RPL24: variants seen among roughly 807,000 people sequenced by gnomAD.
RPL24 encodes the protein ribosomal protein L24, also known as large ribosomal subunit protein eL24.
A neutral mutation model predicts 26.4 loss-of-function variants in RPL24; 7 were observed. That is an observed-to-expected ratio of 0.27 (90% CI 0.15 to 0.50). The LOEUF (loss-of-function observed/expected upper bound fraction) is 0.50, where lower values mean the gene tolerates loss of function less well. Ranked by LOEUF, RPL24 falls within the 20% of genes least tolerant of loss-of-function variation. The pLI, the probability that RPL24 is intolerant of heterozygous loss-of-function variation, is 0.98. For synonymous variants in RPL24, 67 were observed against 65.2 expected (o/e 1.03, Z -0.13); for missense variants, 109 against 194.9 (o/e 0.56, Z 2.62).
rs757528666 is a variant in RPL24 at position 101,681,245 on chromosome 3, C to G, written c.394-30G>C. On this transcript the variant is annotated intron_variant, in intron 5 of 5. Coordinates refer to ENST00000394077, the MANE Select transcript of RPL24 (RefSeq NM_000986.4). The stretch of plus-strand genomic sequence containing the variant: ...AAAAAGATAACACAATATTACTCCA[C>G]AAAACTTTTGTTACCCTATTATTAC... 7.2e-6 allele frequency: 11 copies of G among 1,530,740 alleles called. No homozygotes were observed. In the East Asian group the frequency reaches 2.2e-4, roughly 31 times the overall value. The allele number at this position is 1,530,740 out of a possible 1,614,324, so 94.8% of individuals were successfully genotyped here.
At chr3:101,685,574 C>G (rs1191620229) in intron 3 of RPL24, among the ~76,000 whole-genome samples, 1 of 152,218 alleles carries the variant, frequency 6.6e-6, no homozygotes, top group East Asian at 1.9e-4. Context: ...GCCCTTCCAC[C>G]CTGCCCTATA....
chr3:101,681,314 C>G, intron 5 of RPL24, 99 bp from the exon 6 acceptor site: 1 of 808,242 alleles, frequency 1.2e-6, no homozygotes, highest in South Asian at 1.5e-5. Flanking sequence ...AGATCACTTT[C>G]TTAGTAATTT....
chr3:101,685,792 C>A, intron 3 of RPL24, 26 bp downstream of exon 3: 2 of 1,326,636 alleles, frequency 1.5e-6, no homozygotes, highest in South Asian at 1.2e-5. Flanking sequence ...GAGATAGCCC[C>A]CAACATCAAG....
Position 101,681,154 on chromosome 3 carries a change from C to T in RPL24, c.455G>A (p.Arg152Gln). ...GCCAGTTTAGCGTTTTCCACCAACT[C>T]GGGGAGCTGAAACTTTCACAGGCTT... ...IVKPVKVSAP[R>Q]VGGKR The change falls in exon 6 of 6, where the codon CGA becomes CAA. Residue 152 changes from arginine to glutamine, a missense_variant. By Grantham distance (43) the Arg-to-Gln change is conservative. This residue lies in a region of RPL24 where 39 missense variants were observed against 80.3 expected (regional missense o/e 0.49). Coordinates refer to ENST00000394077, the MANE Select transcript of RPL24 (RefSeq NM_000986.4). 6.2e-7 allele frequency: 1 copy of T among 1,612,824 alleles called. No individual in the cohort carries two copies. The highest frequency in any genetic ancestry group is 8.5e-7 in the Non-Finnish European group (1 of 1,178,882).
chr3:101,685,453 G>A (rs540188925), intron 3 of RPL24, among the ~76,000 whole-genome samples: 16 of 152,254 alleles, frequency 1.1e-4, no homozygotes, highest in African/African-American at 3.6e-4. Context: ...ATGAACTAGT[G>A]TATGGTGGAC....
chr3:101,686,070 G>A lies in RPL24; in HGVS notation c.82-142C>T, dbSNP rs1042478820. On this transcript the variant is annotated intron_variant, in intron 2 of 5. Coordinates refer to ENST00000394077, the MANE Select transcript of RPL24 (RefSeq NM_000986.4). ...TGAGGCCCACAAGGACCAAAAGGCTGTCACATAACTGGCAGGTAACTGTGT... is the reference window on the plus strand; with the variant it reads ...TGAGGCCCACAAGGACCAAAAGGCTATCACATAACTGGCAGGTAACTGTGT... The A allele has an allele frequency of 1.6e-5, 10 of 613,124 alleles. No homozygotes were observed. The African/African-American group carries it at 1.8e-4, about 11-fold the overall frequency. 38.0% of individuals were successfully genotyped at this position (613,124 alleles called of 1,614,324 possible).
rs1360282249 is a variant in RPL24, at chr3:101,681,250, CTT to C, written c.394-37_394-36del. 20 of 1,442,248 alleles carry C rather than the reference CTT, an allele frequency of 1.4e-5. No homozygotes were observed. The East Asian group carries it at 1.6e-4, about 11-fold the overall frequency. 89.3% of individuals were successfully genotyped at this position (1,442,248 alleles called of 1,614,324 possible). A position where few individuals can be genotyped will look rare whatever the true frequency, so the allele number is the denominator to read the frequency against. ...GATAACACAATATTACTCCACAAAACTTTTGTTACCCTATTATTACCCATCTC... is the reference window on the plus strand; with the variant it reads ...GATAACACAATATTACTCCACAAAACTTGTTACCCTATTATTACCCATCTC... On this transcript the variant is annotated intron_variant, in intron 5 of 5. Coordinates refer to ENST00000394077, the MANE Select transcript of RPL24 (RefSeq NM_000986.4).
At position 101,683,032 on chromosome 3, in the gene RPL24, T is replaced by C; in HGVS notation, c.193-125A>G. 5.8e-6 allele frequency: 5 copies of C among 863,694 alleles called. No homozygotes were observed. In the South Asian group the frequency reaches 1.0e-4, roughly 18 times the overall value. 53.5% of individuals were successfully genotyped at this position (863,694 alleles called of 1,614,324 possible). A position where few individuals can be genotyped will look rare whatever the true frequency, so the allele number is the denominator to read the frequency against. On this transcript the variant is annotated intron_variant, in intron 3 of 5. Transcript: ENST00000394077. ...AAGATTCATATTCAACAAAAAATAA[T>C]TCATATATTTGAAATAAAACATGTT...
chr3:101,684,598 G>A (rs573186950), intron 3 of RPL24, among the ~76,000 whole-genome samples: 48 of 151,948 alleles, frequency 3.2e-4, no homozygotes, highest in African/African-American at 9.9e-4. Flanking sequence ...GGGCAACATC[G>A]CAAAGATTTC....
intron 3 of RPL24, among the ~76,000 whole-genome samples, chr3:101,683,726 A>G (rs1258869530): frequency 3.5e-5 from 4 of 114,024 alleles, no homozygotes; most frequent in Admixed American, 9.3e-5. Flanking sequence ...TTTTTTTTTT[A>G]AAGACTCAGC....
rs747672502 is a variant in RPL24 at position 101,685,845 on chromosome 3, G to A, written c.165C>T (p.Tyr55=). The A allele has an allele frequency of 2.5e-6, 4 of 1,612,094 alleles. No individual in the cohort carries two copies. Among genetic ancestry groups the A allele is most frequent in the East Asian group, 4.5e-5 (2 of 44,864 alleles). ...NPRQINWTVL[Y]RRKHKKGQSE... ...ACTGTCCCTTTTTGTGCTTCCTTCT[G>A]TAGAGGACAGTCCAGTTTATCTGCC... Residue 55 remains tyrosine (Y), a synonymous_variant, in exon 3 of 6, where the codon TAC becomes TAT. Transcript: ENST00000394077.
At chr3:101,682,325 C>T (rs772088354) in intron 5 of RPL24, 104 bp downstream of exon 5, 3 of 890,826 alleles carry the variant, frequency 3.4e-6, no homozygotes, top group Non-Finnish European at 5.7e-6. Flanking sequence ...GAGATCAGAT[C>T]ACGCCACTGC....
At chr3:101,684,891 A>T (rs1454104091) in intron 3 of RPL24, among the ~76,000 whole-genome samples, 1 of 117,802 alleles carries the variant, frequency 8.5e-6, no homozygotes. Context: ...TTTTTTTTTT[A>T]AAGGTCTCCT....
At position 101,682,505 on chromosome 3, in the gene RPL24, A is replaced by G; in HGVS notation, c.330-13T>C. On this transcript the variant is annotated splice_polypyrimidine_tract_variant and intron_variant, in intron 4 of 5. Transcript: ENST00000394077. ...TTCCTTAGCAGCCCTGTGGGGTAAA[A>G]GTAACTTAAGGCAAAAGCACTTTAC... 6.2e-7 allele frequency: 1 copy of G among 1,610,258 alleles called. No individual in the cohort carries two copies. Among genetic ancestry groups the G allele is most frequent in the Non-Finnish European group, 8.5e-7 (1 of 1,177,834 alleles).
intron 2 of RPL24, 163 bp from the exon 3 acceptor site, chr3:101,686,091 T>C: frequency 3.3e-6 from 2 of 598,312 alleles, no homozygotes; most frequent in Non-Finnish European, 3.0e-6. Context: ...GGCAGGTAAC[T>C]GTGTCACACT....
chr3:101,685,916 G>C lies in RPL24; in HGVS notation c.94C>G (p.Leu32Val). Residue 32 changes from leucine to valine, a missense_variant, in exon 3 of 6, where the codon CTT becomes GTT. Physicochemically the swap from Leu to Val is conservative, Grantham distance 32. This residue lies in a region of RPL24 where 69 missense variants were observed against 96.2 expected (regional missense o/e 0.72). Coordinates refer to ENST00000394077, the MANE Select transcript of RPL24 (RefSeq NM_000986.4). ...ARTDGKVFQF[L>V]NAKCESAFLS... ...AAAGCCGACTCGCATTTCGCATTAA[G>C]AAACTGGAAAACCTAGAGTGACAAA... is the stretch of plus-strand genomic sequence containing the variant. The C allele has an allele frequency of 6.2e-7, 1 of 1,611,600 alleles. No homozygotes were observed. Among genetic ancestry groups the C allele is most frequent in the Non-Finnish European group, 8.5e-7 (1 of 1,177,684 alleles).
intron 3 of RPL24, among the ~76,000 whole-genome samples, chr3:101,683,529 A>AT (rs1937288316): frequency 6.6e-6 from 1 of 152,202 alleles, no homozygotes. Context: ...AGACATGCTA[A>AT]TTTTAAACTT....
intron 3 of RPL24, among the ~76,000 whole-genome samples, chr3:101,683,885 T>C (rs1435033932): frequency 1.3e-5 from 2 of 151,976 alleles, no homozygotes; most frequent in African/African-American, 4.8e-5. Context: ...CTAATTTTTG[T>C]ATTTTTAGTA....
intron 2 of RPL24, 152 bp downstream of exon 2, chr3:101,686,329 AG>A (rs2108341921): frequency 1.6e-6 from 1 of 632,404 alleles, no homozygotes; most frequent in East Asian, 2.7e-5. Flanking sequence ...GTTCACTTAG[AG>A]GTTTCTGGTC....
Sources: allele counts gnomAD v4.1 joint callset (sites outside exome capture counted in the v4.1 genomes callset), GRCh38; gene constraint gnomAD v4.1.1; regional missense constraint gnomAD v4.1.1; transcripts MANE v1.5; gene names NCBI Gene and HGNC (gene_info 2026-07-23, HGNC 2026-07-21).